SH3KBP1: variants seen among roughly 807,000 people sequenced by gnomAD.
The protein encoded by SH3KBP1 is SH3 domain containing kinase binding protein 1.
SH3KBP1 carries 8 observed loss-of-function variants against 50.1 expected under a neutral mutation model. The observed-to-expected ratio is 0.16, with a 90% CI of 0.09 to 0.29. SH3KBP1 has a LOEUF of 0.29. Ranked by LOEUF, SH3KBP1 falls within the 10% of genes least tolerant of loss-of-function variation. The pLI is 1.00. For synonymous variants in SH3KBP1, 227 were observed against 218.6 expected (o/e 1.04, Z -0.34); for missense variants, 377 against 535.2 (o/e 0.70, Z 2.92).
At chrX:19,597,265 A>G (rs186022084) in intron 9 of SH3KBP1, among the ~76,000 whole-genome samples, 53 of 111,981 alleles carry the variant, frequency 4.7e-4, no homozygotes, top group African/African-American at 1.6e-3. Context: ...GTCAATAAGC[A>G]GTAATATTTT....
chrX:19,634,102 G>C (rs1008722694), intron 7 of SH3KBP1, among the ~76,000 whole-genome samples: 1 of 93,455 alleles, frequency 1.1e-5, no homozygotes, highest in Admixed American at 1.2e-4. Flanking sequence ...GTGTGACAGA[G>C]GGAAAGAAAG....
chrX:19,691,466 TATCTA>T (rs754032939), intron 5 of SH3KBP1, among the ~76,000 whole-genome samples: 5 of 105,900 alleles, frequency 4.7e-5, no homozygotes, highest in Non-Finnish European at 3.9e-5. Flanking sequence ...TTTATATTTA[TATCTA>T]ATCTAATCAA....
chrX:19,864,617 CG>C (rs757291364), intron 1 of SH3KBP1, among the ~76,000 whole-genome samples: 7 of 111,693 alleles, frequency 6.3e-5, no homozygotes, highest in African/African-American at 3.3e-5. Context: ...TGGAAGGGAA[CG>C]GGATTTTCCT....
chrX:19,603,016 G>A (rs2067136912), intron 9 of SH3KBP1, among the ~76,000 whole-genome samples: 1 of 112,309 alleles, frequency 8.9e-6, no homozygotes, highest in Non-Finnish European at 1.9e-5. Flanking sequence ...AATGGAGAAA[G>A]TGGGAAATCT....
chrX:19,750,861 A>C (rs941733181), intron 2 of SH3KBP1, among the ~76,000 whole-genome samples: 8 of 111,738 alleles, frequency 7.2e-5, no homozygotes, highest in Admixed American at 5.7e-4. Context: ...CCAAACATAT[A>C]TTTTTATACA....
At chrX:19,773,506 C>CACAG (rs1296581958) in intron 2 of SH3KBP1, among the ~76,000 whole-genome samples, 3 of 108,534 alleles carry the variant, frequency 2.8e-5, no homozygotes, top group African/African-American at 1.0e-4. Flanking sequence ...CACACACACA[C>CACAG]ACACACACAC....
At chrX:19,835,021 A>G (rs1399581735) in intron 2 of SH3KBP1, among the ~76,000 whole-genome samples, 2 of 106,767 alleles carry the variant, frequency 1.9e-5, no homozygotes, top group Non-Finnish European at 3.9e-5. Context: ...AACCTGGGCA[A>G]CAGAGCAAGA....
rs190360299 is a variant in SH3KBP1, at chrX:19,763,665, C to T, written c.163-17224G>A. Among the ~76,000 whole-genome samples the T allele has an allele frequency of 3.8e-3, 428 of 112,162 alleles. 3 individuals carry two copies. Among genetic ancestry groups the T allele is most frequent in the Non-Finnish European group, 6.3e-3 (337 of 53,231 alleles). On this transcript the variant is annotated intron_variant, in intron 2 of 17. Coordinates refer to ENST00000397821, the MANE Select transcript of SH3KBP1 (RefSeq NM_031892.3). ...ATGTAGTAAAATCAATCAATCTTTT[C>T]CCTTAGGTCTTTCAGATTTGTGACA...
intron 8 of SH3KBP1, among the ~76,000 whole-genome samples, chrX:19,620,088 T>C (rs755272391): frequency 8.9e-6 from 1 of 112,530 alleles, no homozygotes; most frequent in Non-Finnish European, 1.9e-5. Context: ...TCCAAATACA[T>C]GCTTTTCTTC....
At chrX:19,737,156 C>A (rs1403819748) in intron 3 of SH3KBP1, among the ~76,000 whole-genome samples, 2 of 111,131 alleles carry the variant, frequency 1.8e-5, no homozygotes. Context: ...AAGAGATCCT[C>A]CAGCTTTGCC....
Position 19,545,765 on chromosome X carries a change from C to T in SH3KBP1, c.1623+157G>A, listed in dbSNP as rs763515901. On this transcript the variant is annotated intron_variant, in intron 15 of 17. Transcript: ENST00000397821. ...CAGGGATTCTGCCTAGTTTCGGAGACTGCAACATGCCTTGGGGATTTTGAT... is the reference window on the plus strand; with the variant it reads ...CAGGGATTCTGCCTAGTTTCGGAGATTGCAACATGCCTTGGGGATTTTGAT... Among the ~76,000 whole-genome samples, 80 of 112,244 alleles carry T rather than the reference C, an allele frequency of 7.1e-4. 1 individual carries two copies. The highest frequency in any genetic ancestry group is 2.4e-3 in the African/African-American group (73 of 30,885).
At chrX:19,866,519 T>A (rs2068913497) in intron 1 of SH3KBP1, among the ~76,000 whole-genome samples, 1 of 109,165 alleles carries the variant, frequency 9.2e-6, no homozygotes. Flanking sequence ...GAGACCTCCA[T>A]CCCTACAAAA....
intron 1 of SH3KBP1, among the ~76,000 whole-genome samples, chrX:19,872,542 C>T (rs1009582489): frequency 1.8e-5 from 2 of 109,449 alleles, no homozygotes; most frequent in East Asian, 2.9e-4. Flanking sequence ...GAGGCCGAGG[C>T]GGGCGGATCA....
At chrX:19,598,355 G>A (rs1186030490) in intron 9 of SH3KBP1, among the ~76,000 whole-genome samples, 1 of 111,010 alleles carries the variant, frequency 9.0e-6, no homozygotes, top group Non-Finnish European at 1.9e-5. Flanking sequence ...GCCTTCCAAA[G>A]TGCTGAGATA....
rs2064667648 is a variant in SH3KBP1 at position 19,534,769 on chromosome X, C to T, written c.*1648G>A. 1 of 296,492 alleles carries T rather than the reference C, an allele frequency of 3.4e-6. No homozygotes were observed. The highest frequency in any genetic ancestry group is 5.9e-6 in the Non-Finnish European group (1 of 169,819). The allele number at this position is 296,492 out of a possible 1,213,427, so 24.4% of individuals were successfully genotyped here. A position where few individuals can be genotyped will look rare whatever the true frequency, so the allele number is the denominator to read the frequency against. ...ACCCAGGAAGACCAAGGTGTTTGGG[C>T]TCCTTAAATACTCGGAGGGAAATAA... On this transcript the variant is annotated 3_prime_UTR_variant, in exon 18 of 18. Coordinates refer to ENST00000397821, the MANE Select transcript of SH3KBP1 (RefSeq NM_031892.3).
intron 2 of SH3KBP1, among the ~76,000 whole-genome samples, chrX:19,756,013 G>A (rs181761638): frequency 9.0e-6 from 1 of 110,803 alleles, no homozygotes; most frequent in Non-Finnish European, 1.9e-5. Flanking sequence ...CTTGAGACAG[G>A]AGTCTTGCCG....
intron 1 of SH3KBP1, among the ~76,000 whole-genome samples, chrX:19,836,694 T>C (rs1431310207): frequency 8.9e-6 from 1 of 112,056 alleles, no homozygotes; most frequent in Non-Finnish European, 1.9e-5. Flanking sequence ...TCTCTGGGTC[T>C]CAGTTGTACA....
chrX:19,847,411 T>C (rs1215115223), intron 1 of SH3KBP1, among the ~76,000 whole-genome samples: 1 of 111,633 alleles, frequency 9.0e-6, no homozygotes, highest in Non-Finnish European at 1.9e-5. Flanking sequence ...AAATGCTTGT[T>C]GTCGAGGGGC....
At chrX:19,831,965 C>G (rs1476002689) in intron 2 of SH3KBP1, among the ~76,000 whole-genome samples, 2 of 111,390 alleles carry the variant, frequency 1.8e-5, no homozygotes, top group African/African-American at 6.5e-5. Flanking sequence ...CTACAGAGTC[C>G]TGGTTATTGT....
Sources: gnomAD v4.1 joint callset for allele counts (sites outside exome capture counted in the v4.1 genomes callset) on GRCh38, gnomAD v4.1.1 for gene constraint, MANE v1.5 for transcripts, NCBI Gene and HGNC (gene_info 2026-07-23, HGNC 2026-07-21) for gene names.